NSUN3: variants seen among roughly 807,000 people sequenced by gnomAD.
NSUN3 encodes NOP2/Sun RNA methyltransferase 3.
In NSUN3, 24 loss-of-function variants were observed where a neutral mutation model predicts 36.8. That is an observed-to-expected ratio of 0.65 (90% confidence interval 0.47 to 0.92). NSUN3 has a LOEUF of 0.92. Among genes scored for constraint, NSUN3 ranks in the 40% least tolerant of loss-of-function variants. The pLI, the probability that NSUN3 is intolerant of heterozygous loss-of-function variation, is 0.00. For synonymous variants in NSUN3, 146 were observed against 145.2 expected (o/e 1.01, Z -0.04); for missense variants, 381 against 392.8 (o/e 0.97, Z 0.25).
intron 5 of NSUN3, among the ~76,000 whole-genome samples, chr3:94,110,594 G>GT (rs2077411997): frequency 6.6e-6 from 1 of 151,932 alleles, no homozygotes; most frequent in African/African-American, 2.4e-5. Context: ...TTATCCTAGA[G>GT]TTATGTAAAT....
chr3:94,075,874 G>A, intron 2 of NSUN3: 1 of 1,223,768 alleles, frequency 8.2e-7, no homozygotes, highest in East Asian at 2.4e-5. Flanking sequence ...AAGAAAAAAA[G>A]GGGAGTCTAA....
chr3:94,105,524 T>C (rs2077385336), intron 5 of NSUN3, among the ~76,000 whole-genome samples: 1 of 152,194 alleles, frequency 6.6e-6, no homozygotes, highest in Non-Finnish European at 1.5e-5. Context: ...GGTCATTTTT[T>C]TTCCTCCAAA....
In NSUN3 at chr3:94,084,379, G is replaced by A. The variant is rs373585696; in HGVS notation, c.395G>A (p.Gly132Glu). The A allele has an allele frequency of 6.6e-5, 107 of 1,614,056 alleles. No homozygotes were observed. Among genetic ancestry groups the A allele is most frequent in the Non-Finnish European group, 8.9e-5 (105 of 1,180,020 alleles). ...LPVLALELRD[G>E]EKVLDLCAAP... ...GTGTTGGCTCTGGAATTAAGGGATG[G>A]GGAGAAGGTTCTGGATCTCTGTGCT... The change falls in exon 3 of 6, where the codon GGG (glycine) becomes GAG (glutamate). Residue 132 changes from glycine to glutamate, a missense_variant. Gly to Glu is a moderately conservative substitution (Grantham distance 98, BLOSUM62 -2). Transcript: ENST00000314622.
chr3:94,068,485 C>A (rs537072193), intron 2 of NSUN3, among the ~76,000 whole-genome samples: 1 of 152,174 alleles, frequency 6.6e-6, no homozygotes, highest in South Asian at 2.1e-4. Flanking sequence ...CTGCTTATTC[C>A]CAGTTTTGTC....
chr3:94,072,987 T>C (rs2077230422), intron 2 of NSUN3, among the ~76,000 whole-genome samples: 1 of 152,162 alleles, frequency 6.6e-6, no homozygotes, highest in African/African-American at 2.4e-5. Flanking sequence ...TGATGTGTGA[T>C]GTTCCCCTCC....
intron 2 of NSUN3, among the ~76,000 whole-genome samples, chr3:94,078,855 A>T (rs559872344): frequency 1.3e-5 from 2 of 152,226 alleles, no homozygotes; most frequent in South Asian, 2.1e-4. Flanking sequence ...TCTCCTGAAT[A>T]CAGCACACTG....
intron 2 of NSUN3, among the ~76,000 whole-genome samples, chr3:94,065,327 GC>G (rs2077199997): frequency 6.6e-6 from 1 of 152,180 alleles, no homozygotes; most frequent in South Asian, 2.1e-4. Context: ...GCCAGCAAAG[GC>G]CTGAAGGGAA....
chr3:94,094,556 A>T (rs550222899), intron 4 of NSUN3, among the ~76,000 whole-genome samples: 25 of 152,256 alleles, frequency 1.6e-4, no homozygotes, highest in Admixed American at 1.4e-3. Context: ...AAAAGATCGG[A>T]TATTATTTGG....
At chr3:94,078,554 A>G (rs955308623) in intron 2 of NSUN3, among the ~76,000 whole-genome samples, 5 of 152,200 alleles carry the variant, frequency 3.3e-5, no homozygotes, top group Admixed American at 3.3e-4. Flanking sequence ...GTCTCCCACT[A>G]TTATTGTGTG....
At chr3:94,102,150 A>G (rs1044015671) in intron 5 of NSUN3, among the ~76,000 whole-genome samples, 2 of 150,182 alleles carry the variant, frequency 1.3e-5, no homozygotes, top group Non-Finnish European at 3.0e-5. Context: ...CCAGATAACA[A>G]TCCTTAAAAA....
chr3:94,063,167 C>A (rs374944959), intron 1 of NSUN3, 29 bp downstream of exon 1: 18 of 1,613,366 alleles, frequency 1.1e-5, no homozygotes, highest in Non-Finnish European at 1.5e-5. Flanking sequence ...CTGGGTACCT[C>A]TATCTGAATG....
Position 94,076,878 on chromosome 3 carries a change from C to T in NSUN3, c.123-7229C>T, listed in dbSNP as rs566972548. On this transcript the variant is annotated intron_variant, in intron 2 of 5. Coordinates refer to ENST00000314622, the MANE Select transcript of NSUN3 (RefSeq NM_022072.5). ...CCTCCAAATTCTCCTTTCTCACTGT[C>T]GTAGTGTGATGCATCAAAATGAGCA... 129 of 1,504,056 alleles carry T rather than the reference C, an allele frequency of 8.6e-5. 1 individual carries two copies. In the African/African-American group the frequency reaches 1.1e-3, roughly 13 times the overall value. The allele number at this position is 1,504,056 out of a possible 1,614,324, so 93.2% of individuals were successfully genotyped here. A position where few individuals can be genotyped will look rare whatever the true frequency, so the allele number is the denominator to read the frequency against.
intron 3 of NSUN3, among the ~76,000 whole-genome samples, chr3:94,089,492 C>T (rs2077305961): frequency 6.6e-6 from 1 of 152,168 alleles, no homozygotes; most frequent in Non-Finnish European, 1.5e-5. Flanking sequence ...CAAGCATGTG[C>T]ATAAAGAGAC....
chr3:94,087,426 A>G (rs749795860), intron 3 of NSUN3, among the ~76,000 whole-genome samples: 4 of 152,176 alleles, frequency 2.6e-5, no homozygotes, highest in Non-Finnish European at 4.4e-5. Flanking sequence ...TAAAAAAAAG[A>G]GTCTACTTTC....
intron 3 of NSUN3, among the ~76,000 whole-genome samples, chr3:94,089,340 A>G (rs1462029123): frequency 6.6e-6 from 1 of 152,158 alleles, no homozygotes; most frequent in African/African-American, 2.4e-5. Flanking sequence ...AGGGAGAGGC[A>G]ATTTCCTGAT....
intron 3 of NSUN3, among the ~76,000 whole-genome samples, chr3:94,087,414 T>C (rs1220369055): frequency 2.0e-5 from 3 of 152,140 alleles, no homozygotes; most frequent in Non-Finnish European, 1.5e-5. Context: ...TTTAGGATGA[T>C]TTAAAAAAAA....
At chr3:94,124,148 C>CTTTTT (rs58987431) in intron 5 of NSUN3, among the ~76,000 whole-genome samples, 61 of 88,162 alleles carry the variant, frequency 6.9e-4, no homozygotes, top group East Asian at 1.1e-3. Flanking sequence ...TATTTTATTT[C>CTTTTT]TTTTTTTTTT....
intron 5 of NSUN3, among the ~76,000 whole-genome samples, chr3:94,114,469 A>T (rs1297773949): frequency 6.6e-6 from 1 of 152,204 alleles, no homozygotes; most frequent in African/African-American, 2.4e-5. Context: ...CCAAGTAAAC[A>T]TAAGGTAGTA....
chr3:94,070,330 G>A (rs1241307811), intron 2 of NSUN3, among the ~76,000 whole-genome samples: 2 of 152,064 alleles, frequency 1.3e-5, no homozygotes, highest in African/African-American at 2.4e-5. Context: ...GTGTGGTGGT[G>A]CGTGCCTGTA....
Sources: gnomAD v4.1 joint callset for allele counts (sites outside exome capture counted in the v4.1 genomes callset) on GRCh38, gnomAD v4.1.1 for gene constraint, MANE v1.5 for transcripts, NCBI Gene and HGNC (gene_info 2026-07-23, HGNC 2026-07-21) for gene names.